Variants in CNTN4 observed in about 807,000 individuals in gnomAD.
The protein encoded by CNTN4 is contactin-4.
Under a neutral mutation model 122.5 loss-of-function variants are expected in CNTN4, and 77 were observed. That is an observed-to-expected ratio of 0.63 (90% CI 0.52 to 0.76). CNTN4 has a LOEUF of 0.76. Among genes scored for constraint, CNTN4 ranks in the 30% least tolerant of loss-of-function variants. The pLI is 0.00. For missense variants in CNTN4, 1,256 were observed against 1,259.1 expected (o/e 1.00, Z 0.04); for synonymous variants, 512 against 447.0 (o/e 1.15, Z -1.83).
intron 4 of CNTN4, among the ~76,000 whole-genome samples, chr3:2,577,360 G>C (rs2079739934): frequency 1.3e-5 from 2 of 152,192 alleles, no homozygotes; most frequent in South Asian, 4.1e-4. Context: ...ATATGTATGT[G>C]TATGCATGTG....
At chr3:2,463,656 AGC>A (rs2075398154) in intron 3 of CNTN4, among the ~76,000 whole-genome samples, 1 of 152,036 alleles carries the variant, frequency 6.6e-6, no homozygotes, top group South Asian at 2.1e-4. Flanking sequence ...CTACTTGGGA[AGC>A]TGAGGCAGGA....
intron 10 of CNTN4, among the ~76,000 whole-genome samples, chr3:2,894,997 T>C (rs1457292182): frequency 6.6e-6 from 1 of 152,150 alleles, no homozygotes; most frequent in Non-Finnish European, 1.5e-5. Flanking sequence ...TTTTCATTTA[T>C]GTATTTGTTA....
intron 4 of CNTN4, among the ~76,000 whole-genome samples, chr3:2,600,933 G>C (rs2081015948): frequency 6.6e-6 from 1 of 152,002 alleles, no homozygotes; most frequent in African/African-American, 2.4e-5. Context: ...GTTTTGATTT[G>C]CATTTCTCTG....
intron 3 of CNTN4, among the ~76,000 whole-genome samples, chr3:2,363,389 C>A (rs11714994): frequency 6.6e-6 from 1 of 152,028 alleles, no homozygotes; most frequent in South Asian, 2.1e-4. Flanking sequence ...CTAAAATGCC[C>A]TAGTAGGTTA....
chr3:2,760,938 C>G (rs1285153955), intron 6 of CNTN4, among the ~76,000 whole-genome samples: 32 of 152,106 alleles, frequency 2.1e-4, no homozygotes, highest in Non-Finnish European at 1.5e-5. Context: ...ATTTTACAGG[C>G]CAGGCACAAT....
intron 2 of CNTN4, among the ~76,000 whole-genome samples, chr3:2,204,491 T>C (rs2038247088): frequency 6.6e-6 from 1 of 152,222 alleles, no homozygotes; most frequent in South Asian, 2.1e-4. Flanking sequence ...TTTGTGTATC[T>C]CTACTTGTTT....
intron 3 of CNTN4, among the ~76,000 whole-genome samples, chr3:2,398,586 T>A (rs2046724764): frequency 6.6e-6 from 1 of 152,202 alleles, no homozygotes; most frequent in African/African-American, 2.4e-5. Context: ...CAATACTGTG[T>A]TGAGTAGACT....
intron 6 of CNTN4, among the ~76,000 whole-genome samples, chr3:2,808,956 C>T (rs528147337): frequency 6.6e-6 from 1 of 152,354 alleles, no homozygotes; most frequent in South Asian, 2.1e-4. Flanking sequence ...TCACCAACCA[C>T]CACAGCCTGT....
chr3:2,696,797 T>C (rs2086059080), intron 4 of CNTN4, among the ~76,000 whole-genome samples: 2 of 152,176 alleles, frequency 1.3e-5, no homozygotes, highest in African/African-American at 2.4e-5. Context: ...CATTATACTA[T>C]TGATATTTAA....
chr3:2,567,160 C>T (rs2079203707), intron 3 of CNTN4, among the ~76,000 whole-genome samples: 1 of 149,816 alleles, frequency 6.7e-6, no homozygotes, highest in South Asian at 2.1e-4. Context: ...GATCTCGGCT[C>T]ACTGCAACCT....
intron 2 of CNTN4, among the ~76,000 whole-genome samples, chr3:2,173,458 T>C (rs565020321): frequency 6.6e-6 from 1 of 152,238 alleles, no homozygotes; most frequent in South Asian, 2.1e-4. Context: ...CTTCAGAGTT[T>C]CCACAGTATT....
In CNTN4 at chr3:2,358,193, A is replaced by G. The variant is rs529565312; in HGVS notation, c.-89+18960A>G. The stretch of plus-strand genomic sequence containing the variant: ...CAATATTTCTATCTATTTAAGATGT[A>G]TATCACAGTCCACTTAACAGTTTGA... On this transcript the variant is annotated intron_variant, in intron 3 of 24. Transcript: ENST00000418658. Among the ~76,000 whole-genome samples, 5 of 152,312 alleles carry G rather than the reference A, an allele frequency of 3.3e-5. No individual in the cohort carries two copies. In the East Asian group the frequency reaches 9.7e-4, roughly 29 times the overall value.
chr3:3,002,881 G>C (rs1376892071), intron 14 of CNTN4, among the ~76,000 whole-genome samples: 1 of 152,120 alleles, frequency 6.6e-6, no homozygotes, highest in Non-Finnish European at 1.5e-5. Context: ...ATCAGGTTAT[G>C]GTCACTCAAG....
intron 2 of CNTN4, among the ~76,000 whole-genome samples, chr3:2,300,726 C>T (rs2042478257): frequency 6.6e-6 from 1 of 151,758 alleles, no homozygotes; most frequent in Non-Finnish European, 1.5e-5. Flanking sequence ...CGCGCGCCAC[C>T]ATGCCATCTA....
In CNTN4 at chr3:2,277,625, A is replaced by C. The variant is rs903977307; in HGVS notation, c.-144-61553A>C. ...ATCCGTACGTGAAACACATATATGC[A>C]TAACTATTCAGGTTTCCCTCCTGTC... On this transcript the variant is annotated intron_variant, in intron 2 of 24. Coordinates refer to ENST00000418658, the MANE Select transcript of CNTN4 (RefSeq NM_175607.3). Among the ~76,000 whole-genome samples, 6 of 152,272 alleles carry C rather than the reference A, an allele frequency of 3.9e-5. No individual in the cohort carries two copies. The East Asian group carries it at 1.2e-3, about 29-fold the overall frequency.
chr3:2,790,012 G>C (rs1392811876), intron 6 of CNTN4, among the ~76,000 whole-genome samples: 1 of 152,158 alleles, frequency 6.6e-6, no homozygotes, highest in Non-Finnish European at 1.5e-5. Context: ...AATAATAGCA[G>C]CAATTGCCAT....
rs187251988 is a variant in CNTN4 at position 2,434,449 on chromosome 3, G to T, written c.-89+95216G>T. On this transcript the variant is annotated intron_variant, in intron 3 of 24. Coordinates refer to ENST00000418658, the MANE Select transcript of CNTN4 (RefSeq NM_175607.3). Reference sequence around the variant, plus strand: ...TGGGACATTCAGCCACTGAAACAAGGAGAATGTAAATGGAGAAGCATAGCT... The same window carrying T: ...TGGGACATTCAGCCACTGAAACAAGTAGAATGTAAATGGAGAAGCATAGCT... Among the ~76,000 whole-genome samples the T allele has an allele frequency of 1.2e-4, 18 of 152,308 alleles. No individual in the cohort carries two copies. The East Asian group carries it at 2.1e-3, about 18-fold the overall frequency.
At chr3:2,610,284 G>A (rs1239217133) in intron 4 of CNTN4, among the ~76,000 whole-genome samples, 1 of 152,158 alleles carries the variant, frequency 6.6e-6, no homozygotes. Context: ...ATGTGTAAGA[G>A]CATCTCTGAT....
intron 3 of CNTN4, among the ~76,000 whole-genome samples, chr3:2,456,726 T>C (rs559567135): frequency 6.6e-6 from 1 of 152,282 alleles, no homozygotes; most frequent in Non-Finnish European, 1.5e-5. Flanking sequence ...ACAAATAATA[T>C]TCCACTGTGT....
Sources: gnomAD v4.1 joint callset for allele counts (sites outside exome capture counted in the v4.1 genomes callset) on GRCh38, gnomAD v4.1.1 for gene constraint, MANE v1.5 for transcripts, NCBI Gene and HGNC (gene_info 2026-07-23, HGNC 2026-07-21) for gene names.